Variants in CNNM3 observed in about 807,000 individuals in gnomAD.
CNNM3 encodes the protein cyclin and CBS domain divalent metal cation transport mediator 3.
CNNM3 carries 47 observed loss-of-function variants against 57.1 expected under a neutral mutation model. The observed-to-expected ratio is 0.82, with a 90% CI of 0.65 to 1.05. The LOEUF is 1.05. CNNM3 is among the 50% of genes least tolerant of loss of function. The pLI, the probability that CNNM3 is intolerant of heterozygous loss-of-function variation, is 0.00. For missense variants in CNNM3, 957 were observed against 973.7 expected, an observed-to-expected ratio of 0.98 and a Z score of 0.23; for synonymous variants, 507 against 478.2, an observed-to-expected ratio of 1.06 and a Z score of -0.79.
At position 96,833,107 on chromosome 2, in the gene CNNM3, T is replaced by A; in HGVS notation, c.*491T>A. 1.1e-6 allele frequency: 1 copy of A among 927,900 alleles called. No homozygotes were observed. The highest frequency in any genetic ancestry group is 1.5e-6 in the Non-Finnish European group (1 of 666,066). The allele number at this position is 927,900 out of a possible 1,614,324, so 57.5% of individuals were successfully genotyped here. ...CATTTTGGCTGGGGGTTCAGATCGA[T>A]GGCCTTGTCCATGTTGTCCTTTCTG... On this transcript the variant is annotated 3_prime_UTR_variant, in exon 8 of 8. Coordinates refer to ENST00000305510, the MANE Select transcript of CNNM3 (RefSeq NM_017623.5).
chr2:96,818,204 G>C (rs2079354281), intron 1 of CNNM3, among the ~76,000 whole-genome samples: 1 of 152,176 alleles, frequency 6.6e-6, no homozygotes, highest in Non-Finnish European at 1.5e-5. Flanking sequence ...TCCTGCCTCA[G>C]CCTTCGAGTA....
intron 2 of CNNM3, among the ~76,000 whole-genome samples, chr2:96,825,771 C>CAAAAAATACAAACATTA (rs1559011255): frequency 6.6e-6 from 1 of 152,180 alleles, no homozygotes; most frequent in African/African-American, 2.4e-5. Context: ...CGTGGTGGTG[C>CAAAAAATACAAACATTA]GTGCCTGTAG....
At chr2:96,825,855 C>G (rs981205551) in intron 2 of CNNM3, among the ~76,000 whole-genome samples, 2 of 149,232 alleles carry the variant, frequency 1.3e-5, no homozygotes, top group Non-Finnish European at 2.9e-5. Flanking sequence ...GAGTTGAGAT[C>G]ACGCCACTGC....
chr2:96,816,916 G>T lies in CNNM3; in HGVS notation c.639G>T (p.Leu213=). 3 of 1,190,250 alleles carry T rather than the reference G, an allele frequency of 2.5e-6. No homozygotes were observed. The highest frequency in any genetic ancestry group is 3.1e-6 in the Non-Finnish European group (3 of 962,622). The allele number at this position is 1,190,250 out of a possible 1,614,324, so 73.7% of individuals were successfully genotyped here. A position where few individuals can be genotyped will look rare whatever the true frequency, so the allele number is the denominator to read the frequency against. Residue 213 remains leucine, a synonymous_variant, in exon 1 of 8, where the codon CTG becomes CTT. Coordinates refer to ENST00000305510, the MANE Select transcript of CNNM3 (RefSeq NM_017623.5). ...CGCAGGCGGCGCTGGCGGTGCTGCT[G>T]TACCGCGCGGCCGGCCAGCGTGCGG... ...SLAQAALAVL[L]YRAAGQRAVP... is the part of the protein sequence containing the mutation.
intron 1 of CNNM3, among the ~76,000 whole-genome samples, chr2:96,824,027 ATTATT>A (rs1273601410): frequency 6.6e-6 from 1 of 152,256 alleles, no homozygotes; most frequent in Non-Finnish European, 1.5e-5. Context: ...CTTACAATAT[ATTATT>A]AAACTTAATT....
In CNNM3 at chr2:96,816,950, G is replaced by C; in HGVS notation, c.673G>C (p.Val225Leu). ...GGCCGGCCAGCGTGCGGTGCCCGCC[G>C]TGTTGGGCAGCGCGGGGCTCGTGTT... ...RAAGQRAVPA[V>L]LGSAGLVFLV... Residue 225 changes from valine (V) to leucine (L), a missense_variant, in exon 1 of 8, where the codon GTG (valine) becomes CTG (leucine). By Grantham distance (32) the Val-to-Leu change is conservative. Around this residue, in one of 2 missense-constraint regions of CNNM3, gnomAD observed 466 missense variants for 403.1 expected, o/e 1.16. Coordinates refer to ENST00000305510, the MANE Select transcript of CNNM3 (RefSeq NM_017623.5). 1 of 1,297,234 alleles carries C rather than the reference G, an allele frequency of 7.7e-7. No homozygotes were observed. The highest frequency in any genetic ancestry group is 1.6e-5 in the African/African-American group (1 of 63,114). 80.4% of individuals were successfully genotyped at this position (1,297,234 alleles called of 1,614,324 possible).
At position 96,817,095 on chromosome 2, in the gene CNNM3, TG is replaced by T. The variant is rs1253813442; in HGVS notation, c.822del (p.Gln275SerfsTer145). 1 of 1,327,700 alleles carries T rather than the reference TG, an allele frequency of 7.5e-7. No individual in the cohort carries two copies. Among genetic ancestry groups the T allele is most frequent in the South Asian group, 2.0e-5 (1 of 50,980 alleles). 82.2% of individuals were successfully genotyped at this position (1,327,700 alleles called of 1,614,324 possible). A position where few individuals can be genotyped will look rare whatever the true frequency, so the allele number is the denominator to read the frequency against. ...CTCACTCTGCCCGTCGCGCTGCCCG[TG>T]GGGCAGCTGCTGGAGCTGGCGGCGC... ...VLLTLPVALPVGQLLELAARP... is the reference protein window; with the variant it reads ...VLLTLPVALPXGQLLELAARP... On this transcript the variant is annotated frameshift_variant, in exon 1 of 8. Transcript: ENST00000305510. LOFTEE classifies it high-confidence loss of function.
rs1370927540 is a variant in CNNM3 at position 96,832,955 on chromosome 2, C to G, written c.*339C>G. ...ACAGTGCGGCATATTCAGATTCAGA[C>G]CTCTTTGGGCTGAGCCACCTTGTGA... On this transcript the variant is annotated 3_prime_UTR_variant, in exon 8 of 8. Coordinates refer to ENST00000305510, the MANE Select transcript of CNNM3 (RefSeq NM_017623.5). 2.2e-6 allele frequency: 3 copies of G among 1,374,830 alleles called. No homozygotes were observed. The highest frequency in any genetic ancestry group is 2.9e-6 in the Non-Finnish European group (3 of 1,044,106). 85.2% of individuals were successfully genotyped at this position (1,374,830 alleles called of 1,614,324 possible).
intron 1 of CNNM3, among the ~76,000 whole-genome samples, chr2:96,822,598 C>T (rs72941296): frequency 6.0e-4 from 91 of 152,350 alleles, no homozygotes; most frequent in African/African-American, 2.1e-3. Flanking sequence ...GTGTTTCCCA[C>T]TGTGCCTGGC....
downstream of CNNM3, chr2:96,836,553 A>AT (rs1212186624): frequency 6.6e-6 from 1 of 151,968 alleles, no homozygotes; most frequent in Non-Finnish European, 1.5e-5. Flanking sequence ...TGCCCAGCTA[A>AT]TTTTTTATAG....
intron 6 of CNNM3, 29 bp downstream of exon 6, chr2:96,828,729 G>A (rs2079553121): frequency 1.2e-6 from 2 of 1,613,058 alleles, no homozygotes; most frequent in Non-Finnish European, 1.7e-6. Flanking sequence ...TGTGGGTGCT[G>A]GCTTTAGCCG....
At chr2:96,818,128 G>T (rs778049166) in intron 1 of CNNM3, among the ~76,000 whole-genome samples, 8 of 152,062 alleles carry the variant, frequency 5.3e-5, no homozygotes, top group African/African-American at 1.9e-4. Context: ...GCTCTGTCGC[G>T]CAGGCTGGAG....
intron 3 of CNNM3, 31 bp from the exon 4 acceptor site, chr2:96,827,700 G>GGACAC: frequency 3.1e-6 from 5 of 1,599,324 alleles, no homozygotes; most frequent in Non-Finnish European, 4.3e-6. Context: ...AGGCCCCAGT[G>GGACAC]GACACTGTCC....
intron 1 of CNNM3, among the ~76,000 whole-genome samples, chr2:96,822,725 C>T (rs1028967497): frequency 1.3e-5 from 2 of 152,212 alleles, no homozygotes; most frequent in African/African-American, 4.8e-5. Flanking sequence ...AGCGTCAGCA[C>T]ACTACTTTTG....
intron 1 of CNNM3, among the ~76,000 whole-genome samples, chr2:96,818,792 G>A (rs1230211991): frequency 1.3e-5 from 2 of 152,248 alleles, no homozygotes; most frequent in Non-Finnish European, 2.9e-5. Flanking sequence ...CCTGTAGGGT[G>A]AGGGTGGGAG....
At chr2:96,832,106 T>C (rs2079613105) in intron 7 of CNNM3, 1 of 996,490 alleles carries the variant, frequency 1.0e-6, no homozygotes, top group Non-Finnish European at 1.2e-6. Flanking sequence ...TCACTTCCCT[T>C]TCCTGGCCCT....
chr2:96,816,446 A>G lies in CNNM3; in HGVS notation c.169A>G (p.Thr57Ala). Residue 57 changes from threonine to alanine, a missense_variant, in exon 1 of 8, where the codon ACG becomes GCG. Around this residue, in one of 2 missense-constraint regions of CNNM3, gnomAD observed 466 missense variants for 403.1 expected, o/e 1.16. Transcript: ENST00000305510. ...GWVRGGAARD[T>A]PDATFLLRLF... is the part of the protein sequence containing the mutation. ...GGTACGCGGAGGGGCGGCGCGGGAC[A>G]CGCCGGACGCCACCTTCCTCCTGCG... is the stretch of plus-strand genomic sequence containing the variant. 1 of 1,429,584 alleles carries G rather than the reference A, an allele frequency of 7.0e-7. No homozygotes were observed. Among genetic ancestry groups the G allele is most frequent in the Non-Finnish European group, 9.2e-7 (1 of 1,091,034 alleles). 88.6% of individuals were successfully genotyped at this position (1,429,584 alleles called of 1,614,324 possible). A position where few individuals can be genotyped will look rare whatever the true frequency, so the allele number is the denominator to read the frequency against.
chr2:96,829,457 C>T (rs1010552786), intron 7 of CNNM3, among the ~76,000 whole-genome samples: 8 of 151,588 alleles, frequency 5.3e-5, no homozygotes, highest in Middle Eastern at 3.2e-3. Flanking sequence ...CCCACGACCA[C>T]GCCTGGCCAA....
chr2:96,827,874 G>C lies in CNNM3; in HGVS notation c.1663G>C (p.Val555Leu). Residue 555 changes from valine to leucine, a missense_variant, in exon 4 of 8, where the codon GTG becomes CTG. Coordinates refer to ENST00000305510, the MANE Select transcript of CNNM3 (RefSeq NM_017623.5). ...CTACCTGTACCAGCGCAGCCAGCCG[G>C]TGGATTACTTCATTCTCATCCTGCA... ...HHYLYQRSQP[V>L]DYFILILQGR... The C allele has an allele frequency of 6.2e-7, 1 of 1,613,760 alleles. No individual in the cohort carries two copies. The highest frequency in any genetic ancestry group is 8.5e-7 in the Non-Finnish European group (1 of 1,179,754).
Sources: gnomAD v4.1 joint callset for allele counts (sites outside exome capture counted in the v4.1 genomes callset) on GRCh38, gnomAD v4.1.1 for gene constraint, gnomAD v4.1.1 regional missense constraint, MANE v1.5 for transcripts, NCBI Gene and HGNC (gene_info 2026-07-23, HGNC 2026-07-21) for gene names.